Variants in SETD5 observed in about 807,000 individuals in gnomAD.
SETD5 encodes histone-lysine N-methyltransferase SETD5.
Under a neutral mutation model 153.3 loss-of-function variants are expected in SETD5, and 44 were observed. The observed-to-expected ratio is 0.29, with a 90% confidence interval of 0.23 to 0.37. The LOEUF is 0.37. Among genes scored for constraint, SETD5 ranks in the 10% least tolerant of loss-of-function variants. The pLI, the probability that SETD5 is intolerant of heterozygous loss-of-function variation, is 1.00. For synonymous variants in SETD5, 716 were observed against 645.2 expected (o/e 1.11, Z -1.66); for missense variants, 1,544 against 1,768.0 (o/e 0.87, Z 2.27).
chr3:9,428,960 G>C lies in SETD5; in HGVS notation c.22G>C (p.Gly8Arg). MSIAIPL[G>R]VTTSDTSYSD... is the part of the protein sequence containing the mutation. ...CGTCATGAGCATTGCAATCCCTCTG[G>C]GAGTCACCACATCAGATACATCCTA... The change falls in exon 3 of 23, where the codon GGA becomes CGA. Residue 8 changes from glycine (G) to arginine (R), a missense_variant. Physicochemically the swap from Gly to Arg is moderately radical, Grantham distance 125. Transcript: ENST00000402198. 6.2e-7 allele frequency: 1 copy of C among 1,613,178 alleles called. No homozygotes were observed. Among genetic ancestry groups the C allele is most frequent in the East Asian group, 2.2e-5 (1 of 44,838 alleles).
intron 18 of SETD5, among the ~76,000 whole-genome samples, chr3:9,467,199 CAAAAAAAA>C (rs35894304): frequency 2.4e-5 from 1 of 40,860 alleles, no homozygotes; most frequent in South Asian, 1.3e-3. Context: ...GACTCTCTCT[CAAAAAAAA>C]AAAAAAAAAA....
intron 7 of SETD5, among the ~76,000 whole-genome samples, chr3:9,438,600 G>A (rs1463225220): frequency 6.6e-6 from 1 of 152,034 alleles, no homozygotes; most frequent in Admixed American, 6.6e-5. Context: ...AGAATTACTA[G>A]TTTAAAACTC....
chr3:9,398,266 C>G (rs1291075961), intron 1 of SETD5: 2 of 152,156 alleles, frequency 1.3e-5, no homozygotes, highest in African/African-American at 4.8e-5. Flanking sequence ...CCTCTTCACC[C>G]CCTTTCCTGG....
At chr3:9,475,314 C>T (rs2045749035) in intron 22 of SETD5, 158 bp downstream of exon 22, 1 of 1,154,996 alleles carries the variant, frequency 8.7e-7, no homozygotes, top group Non-Finnish European at 1.2e-6. Context: ...TAAATTATGC[C>T]AGAAGATGAA....
chr3:9,407,561 A>G (rs567111724), intron 1 of SETD5, among the ~76,000 whole-genome samples: 67 of 152,350 alleles, frequency 4.4e-4, no homozygotes, highest in Non-Finnish European at 8.4e-4. Context: ...TGAAATGACT[A>G]TGCCAGCCAA....
rs2044023393 is a variant in SETD5, at chr3:9,462,126, C to T, written c.2477-2299C>T. ...TAGTTTAGTGCCTCATAATTCTTTG[C>T]TAACTACTGTGTTAACTCCAGATGG... On this transcript the variant is annotated intron_variant, in intron 17 of 22. Transcript: ENST00000402198. 1.3e-5 allele frequency among the ~76,000 whole-genome samples: 2 copies of T among 152,162 alleles called. 1 individual carries two copies. Among genetic ancestry groups the T allele is most frequent in the Admixed American group, 1.3e-4 (2 of 15,274 alleles).
intron 3 of SETD5, 122 bp downstream of exon 3, chr3:9,429,131 A>G (rs1484978683): frequency 1.8e-6 from 1 of 552,216 alleles, no homozygotes; most frequent in Non-Finnish European, 3.1e-6. Flanking sequence ...ACTGTAATTA[A>G]CATTAGACCT....
intron 17 of SETD5, 120 bp from the exon 18 acceptor site, chr3:9,464,300 ATAACT>A (rs997473883): frequency 1.7e-5 from 23 of 1,345,044 alleles, no homozygotes; most frequent in African/African-American, 8.8e-5. Flanking sequence ...ATTGGAGGAG[ATAACT>A]TAATGGGATG....
In SETD5 at chr3:9,473,365, G is replaced by A. The variant is rs527600519; in HGVS notation, c.3325G>A (p.Asp1109Asn). The A allele has an allele frequency of 5.8e-5, 94 of 1,613,904 alleles. 1 individual carries two copies. In the East Asian group the frequency reaches 1.7e-3, roughly 29 times the overall value. ...GCAAGGCAGCAGTAACTCCGTTTCC[G>A]ACACTGGTGCCCATGGTGTGCAGGG... is the stretch of plus-strand genomic sequence containing the variant. ...AGQGSSNSVS[D>N]TGAHGVQGSS... is the part of the protein sequence containing the mutation. The change falls in exon 20 of 23, where the codon GAC becomes AAC. Residue 1109 changes from aspartate to asparagine, a missense_variant. By Grantham distance (23) the Asp-to-Asn change is conservative. Transcript: ENST00000402198.
rs547465208 is a variant in SETD5, at chr3:9,436,040, T to A, written c.567+134T>A. The A allele has an allele frequency of 6.4e-6, 5 of 775,382 alleles. No individual in the cohort carries two copies. The African/African-American group carries it at 7.0e-5, about 11-fold the overall frequency. The allele number at this position is 775,382 out of a possible 1,614,324, so 48.0% of individuals were successfully genotyped here. On this transcript the variant is annotated intron_variant, in intron 7 of 22. Coordinates refer to ENST00000402198, the MANE Select transcript of SETD5 (RefSeq NM_001080517.3). ...GCCACTTTTGTTCTACTTGCAAAAA[T>A]CAGCTAATCTGTGTTATGTACATGT...
chr3:9,475,293 T>C (rs1048633627), intron 22 of SETD5, 137 bp downstream of exon 22: 1 of 1,121,470 alleles, frequency 8.9e-7, no homozygotes. Context: ...CATCTGCTTG[T>C]CCTCAGGTAA....
At chr3:9,405,976 CTGTT>C (rs1040454842) in intron 1 of SETD5, among the ~76,000 whole-genome samples, 2 of 152,168 alleles carry the variant, frequency 1.3e-5, no homozygotes, top group African/African-American at 4.8e-5. Context: ...TAATAATCAA[CTGTT>C]TGGGCATTCT....
chr3:9,431,461 A>G (rs1179419207), intron 3 of SETD5: 5 of 950,998 alleles, frequency 5.3e-6, no homozygotes, highest in Non-Finnish European at 6.3e-6. Context: ...ATATTTTAAA[A>G]TATAAAAACT....
intron 17 of SETD5, among the ~76,000 whole-genome samples, chr3:9,460,263 T>TAAA (rs373419555): frequency 2.1e-5 from 3 of 143,854 alleles, no homozygotes; most frequent in Non-Finnish European, 4.6e-5. Flanking sequence ...TTCATAGTAG[T>TAAA]AAAAAAAAAA....
chr3:9,474,642 A>G, intron 21 of SETD5, 60 bp downstream of exon 21: 3 of 1,588,552 alleles, frequency 1.9e-6, no homozygotes, highest in Non-Finnish European at 2.6e-6. Flanking sequence ...AGTCCTGTAC[A>G]GTTCATGCCT....
At position 9,434,043 on chromosome 3, in the gene SETD5, A is replaced by T; in HGVS notation, c.177+93A>T. The stretch of plus-strand genomic sequence containing the variant: ...TGACTTTCTTGAAATGTTTATATGC[A>T]GCATGACGAAGTTGCCCCTTTTGCA... On this transcript the variant is annotated intron_variant, in intron 4 of 22. Transcript: ENST00000402198. This position sits in a 1 kb window ranked among gnomAD's most constrained non-coding sequence, Gnocchi z 5.6. 6.2e-7 allele frequency: 1 copy of T among 1,609,768 alleles called. No individual in the cohort carries two copies. Among genetic ancestry groups the T allele is most frequent in the Non-Finnish European group, 8.5e-7 (1 of 1,178,900 alleles).
chr3:9,415,256 A>C (rs2037239134), intron 1 of SETD5, among the ~76,000 whole-genome samples: 1 of 152,246 alleles, frequency 6.6e-6, no homozygotes, highest in African/African-American at 2.4e-5. Flanking sequence ...GCCCAAATAC[A>C]GTTGAAATGT....
At position 9,448,475 on chromosome 3, in the gene SETD5, G is replaced by A; in HGVS notation, c.2191G>A (p.Val731Ile). The change falls in exon 16 of 23, where the codon GTA becomes ATA. Residue 731 changes from valine to isoleucine, a missense_variant. Coordinates refer to ENST00000402198, the MANE Select transcript of SETD5 (RefSeq NM_001080517.3). ...TTTACGTATCACAACGGATCCAACTGTACTGGCAACGACCCTAAACATGTT... is the reference window on the plus strand; with the variant it reads ...TTTACGTATCACAACGGATCCAACTATACTGGCAACGACCCTAAACATGTT... ...CPLRITTDPT[V>I]LATTLNMLPG... 6.2e-7 allele frequency: 1 copy of A among 1,613,944 alleles called. No individual in the cohort carries two copies. Among genetic ancestry groups the A allele is most frequent in the Non-Finnish European group, 8.5e-7 (1 of 1,179,886 alleles).
chr3:9,419,836 A>G (rs2038104097), intron 1 of SETD5, among the ~76,000 whole-genome samples: 2 of 152,188 alleles, frequency 1.3e-5, no homozygotes, highest in Admixed American at 1.3e-4. Context: ...CACTTCATCT[A>G]TAGTAAGTAA....
Sources: allele counts gnomAD v4.1 joint callset (sites outside exome capture counted in the v4.1 genomes callset), GRCh38; gene constraint gnomAD v4.1.1; non-coding constraint Gnocchi (gnomAD v3.1); transcripts MANE v1.5; gene names NCBI Gene and HGNC (gene_info 2026-07-23, HGNC 2026-07-21).